VSNL1: variants seen among roughly 807,000 people sequenced by gnomAD.
VSNL1 encodes visinin like 1.
Under a neutral mutation model 20.4 loss-of-function variants are expected in VSNL1, and 6 were observed. That is an observed-to-expected ratio of 0.29 (90% CI 0.16 to 0.58). The LOEUF (loss-of-function observed/expected upper bound fraction) is 0.58. VSNL1 is among the 20% of genes least tolerant of loss of function. VSNL1 has a pLI of 0.90. For synonymous variants in VSNL1, 93 were observed against 86.4 expected (o/e 1.08, Z -0.42); for missense variants, 100 against 234.5 (o/e 0.43, Z 3.75).
At chr2:17,652,584 T>C (rs1397289570) in intron 3 of VSNL1, among the ~76,000 whole-genome samples, 6 of 152,190 alleles carry the variant, frequency 3.9e-5, no homozygotes, top group Non-Finnish European at 1.5e-5. Flanking sequence ...GAAGCTTTGC[T>C]TTAAAAAGAA....
intron 1 of VSNL1, among the ~76,000 whole-genome samples, chr2:17,569,346 AT>A (rs1664028646): frequency 1.3e-5 from 2 of 151,548 alleles, no homozygotes; most frequent in Admixed American, 6.5e-5. Flanking sequence ...ATTAAATAAA[AT>A]AAATTAAAAA....
intron 2 of VSNL1, among the ~76,000 whole-genome samples, chr2:17,593,668 C>T (rs1256365799): frequency 5.3e-5 from 8 of 152,134 alleles, no homozygotes; most frequent in South Asian, 2.1e-4. Context: ...GCATTTTATA[C>T]GATCACTGTG....
chr2:17,638,487 C>A (rs1238277683), intron 2 of VSNL1, among the ~76,000 whole-genome samples: 1 of 152,132 alleles, frequency 6.6e-6, no homozygotes, highest in Non-Finnish European at 1.5e-5. Flanking sequence ...GGAAACAGGC[C>A]CAGATGGTTG....
At chr2:17,559,483 T>G (rs752812923) in intron 1 of VSNL1, among the ~76,000 whole-genome samples, 3 of 152,120 alleles carry the variant, frequency 2.0e-5, no homozygotes, top group Non-Finnish European at 4.4e-5. Flanking sequence ...CAAAAAACAT[T>G]GTCAAAGAGG....
At chr2:17,627,213 A>G (rs1466679383) in intron 2 of VSNL1, among the ~76,000 whole-genome samples, 2 of 152,200 alleles carry the variant, frequency 1.3e-5, no homozygotes, top group Non-Finnish European at 2.9e-5. Context: ...TTGCATGCAT[A>G]GCAATCTGTC....
At chr2:17,544,362 C>G (rs1265757564) in intron 1 of VSNL1, among the ~76,000 whole-genome samples, 1 of 152,154 alleles carries the variant, frequency 6.6e-6, no homozygotes, top group Non-Finnish European at 1.5e-5. Flanking sequence ...TATACCCTTG[C>G]AGAATACCCA....
chr2:17,648,229 A>G (rs989999674), intron 2 of VSNL1, among the ~76,000 whole-genome samples: 8 of 152,188 alleles, frequency 5.3e-5, no homozygotes, highest in African/African-American at 1.9e-4. Context: ...GTGTTAAAGC[A>G]TATCTTATGT....
At position 17,592,105 on chromosome 2, in the gene VSNL1, G is replaced by A; in HGVS notation, c.31G>A (p.Glu11Lys). 1 of 1,613,850 alleles carries A rather than the reference G, an allele frequency of 6.2e-7. No individual in the cohort carries two copies. Among genetic ancestry groups the A allele is most frequent in the Non-Finnish European group, 8.5e-7 (1 of 1,179,800 alleles). ...GAAGCAGAATAGCAAACTGGCCCCT[G>A]AAGTGATGGAGGACCTGGTGAAGAG... MGKQNSKLAP[E>K]VMEDLVKSTE... Residue 11 changes from glutamate (E) to lysine (K), a missense_variant, in exon 2 of 4, where the codon GAA becomes AAA. Coordinates refer to ENST00000295156, the MANE Select transcript of VSNL1 (RefSeq NM_003385.5).
At chr2:17,558,627 C>T (rs77237847) in intron 1 of VSNL1, among the ~76,000 whole-genome samples, 4,461 of 152,288 alleles carry the variant, frequency 0.029, 64 homozygotes, top group Middle Eastern at 0.054. Flanking sequence ...GTAGTCTGAC[C>T]TAAGCCCCAT....
At chr2:17,559,490 G>A (rs1376198601) in intron 1 of VSNL1, among the ~76,000 whole-genome samples, 1 of 151,234 alleles carries the variant, frequency 6.6e-6, no homozygotes. Flanking sequence ...CATTGTCAAA[G>A]AGGTCATACA....
chr2:17,625,840 A>ATTTTTTT (rs35795117), intron 2 of VSNL1, among the ~76,000 whole-genome samples: 2 of 108,528 alleles, frequency 1.8e-5, no homozygotes, highest in Non-Finnish European at 3.7e-5. Flanking sequence ...TCCTTAGCTG[A>ATTTTTTT]TTTTTTTTTT....
intron 2 of VSNL1, among the ~76,000 whole-genome samples, chr2:17,628,030 G>A (rs1489867108): frequency 1.3e-5 from 2 of 152,240 alleles, no homozygotes; most frequent in Non-Finnish European, 2.9e-5. Flanking sequence ...TCTCAGTTAC[G>A]ATTTTTGCAA....
chr2:17,599,391 G>T (rs1644773923), intron 2 of VSNL1, among the ~76,000 whole-genome samples: 1 of 152,196 alleles, frequency 6.6e-6, no homozygotes, highest in Non-Finnish European at 1.5e-5. Flanking sequence ...AATGATTATT[G>T]TGTTTTTGAG....
chr2:17,649,824 C>T lies in VSNL1; in HGVS notation c.378+199C>T, dbSNP rs1666086322. 6.6e-6 allele frequency among the ~76,000 whole-genome samples: 1 copy of T among 152,238 alleles called. No individual in the cohort carries two copies. Among genetic ancestry groups the T allele is most frequent in the South Asian group, 2.1e-4 (1 of 4,832 alleles). ...CCAGAACCAAGCCATGGGGCCCGTA[C>T]TGTCGTGACGGTGGCATTGTCATCT... On this transcript the variant is annotated intron_variant, in intron 3 of 3. Coordinates refer to ENST00000295156, the MANE Select transcript of VSNL1 (RefSeq NM_003385.5). This position sits in a 1 kb window ranked among gnomAD's most constrained non-coding sequence, Gnocchi z 6.4.
At chr2:17,613,649 C>T (rs572452422) in intron 2 of VSNL1, among the ~76,000 whole-genome samples, 2 of 152,292 alleles carry the variant, frequency 1.3e-5, no homozygotes, top group Admixed American at 6.5e-5. Context: ...ATCATTACGC[C>T]CAGATTTCTT....
chr2:17,641,574 C>T lies in VSNL1; in HGVS notation c.163-7836C>T, dbSNP rs189562301. On this transcript the variant is annotated intron_variant, in intron 2 of 3. Transcript: ENST00000295156. The stretch of plus-strand genomic sequence containing the variant: ...ACCCAAAATCAAAATGCCATTGACC[C>T]GATTTATAGTGCAAATGGTGTATTA... Among the ~76,000 whole-genome samples, 37 of 152,224 alleles carry T rather than the reference C, an allele frequency of 2.4e-4. 3 individuals are homozygous for T. Among genetic ancestry groups the T allele is most frequent in the Admixed American group, 1.8e-3 (28 of 15,292 alleles).
chr2:17,619,933 A>G (rs1350354248), intron 2 of VSNL1, among the ~76,000 whole-genome samples: 4 of 151,956 alleles, frequency 2.6e-5, no homozygotes, highest in African/African-American at 7.3e-5. Flanking sequence ...AAGTGATTAC[A>G]ATAATGTGTG....
At chr2:17,617,486 ACT>A (rs1292892456) in intron 2 of VSNL1, among the ~76,000 whole-genome samples, 2 of 149,488 alleles carry the variant, frequency 1.3e-5, no homozygotes, top group African/African-American at 2.5e-5. Context: ...ACAGAGCAAG[ACT>A]CTGTCTTAAA....
At position 17,592,640 on chromosome 2, in the gene VSNL1, C is replaced by CTTTTTTTTT. The variant is rs55756596; in HGVS notation, c.162+435_162+443dup. Among the ~76,000 whole-genome samples the CTTTTTTTTT allele has an allele frequency of 9.0e-4, 64 of 70,880 alleles. 5 individuals carry two copies. The highest frequency in any genetic ancestry group is 3.0e-3 in the African/African-American group (61 of 20,366). The allele number at this position is 70,880 out of a possible 152,430, so 46.5% of individuals were successfully genotyped here. The stretch of plus-strand genomic sequence containing the variant: ...AAGAGGGCTTTTTCTCTCTCTCTCT[C>CTTTTTTTTT]TTTTTTTTTTTTTTTTTTTTTTTTT... On this transcript the variant is annotated intron_variant, in intron 2 of 3. Coordinates refer to ENST00000295156, the MANE Select transcript of VSNL1 (RefSeq NM_003385.5).
Sources: gnomAD v4.1 joint callset for allele counts (sites outside exome capture counted in the v4.1 genomes callset) on GRCh38, gnomAD v4.1.1 for gene constraint, Gnocchi (gnomAD v3.1) non-coding constraint, MANE v1.5 for transcripts, NCBI Gene and HGNC (gene_info 2026-07-23, HGNC 2026-07-21) for gene names.